Variants in ITGB4 observed in about 807,000 individuals in gnomAD.
ITGB4 encodes integrin subunit beta 4, also known as integrin beta-4.
A neutral mutation model predicts 207.6 loss-of-function variants in ITGB4; 159 were observed. The ratio of observed to expected loss-of-function variants is 0.77; its 90% CI spans 0.67 to 0.87. ITGB4 has a LOEUF of 0.87. ITGB4 is among the 40% of genes least tolerant of loss of function. The pLI is 0.00. For synonymous variants in ITGB4, 1,020 were observed against 1,062.7 expected (o/e 0.96, Z 0.78); for missense variants, 2,278 against 2,546.8 (o/e 0.89, Z 2.27).
chr17:75,735,001 T>A (rs941211820), intron 13 of ITGB4, among the ~76,000 whole-genome samples: 1 of 152,256 alleles, frequency 6.6e-6, no homozygotes, highest in African/African-American at 2.4e-5. Flanking sequence ...AACGCACTTA[T>A]GAAATCTAAT....
chr17:75,733,744 C>T (rs2060915634), intron 13 of ITGB4, 52 bp downstream of exon 13: 2 of 1,571,542 alleles, frequency 1.3e-6, no homozygotes, highest in Non-Finnish European at 1.7e-6. Flanking sequence ...GAGTGGACAG[C>T]AAGCATGACT....
rs1038454215 is a variant in ITGB4, at chr17:75,742,226, C to T, written c.2634-115C>T. On this transcript the variant is annotated intron_variant, in intron 23 of 39. Coordinates refer to ENST00000200181, the MANE Select transcript of ITGB4 (RefSeq NM_000213.5). The surrounding 1 kb of genome is among the most constrained non-coding windows in gnomAD (Gnocchi z 5.9). ...GCACTGCCTGCCTCTGAAGACCCTG[C>T]ACTTCTTGCTGTCTTACATCCTGGC... The T allele has an allele frequency of 7.5e-7, 1 of 1,333,918 alleles. No individual in the cohort carries two copies. Among genetic ancestry groups the T allele is most frequent in the South Asian group, 1.2e-5 (1 of 80,626 alleles). The allele number at this position is 1,333,918 out of a possible 1,614,324, so 82.6% of individuals were successfully genotyped here.
At position 75,736,493 on chromosome 17, in the gene ITGB4, G is replaced by A; in HGVS notation, c.1861-72G>A. On this transcript the variant is annotated intron_variant, in intron 15 of 39. Coordinates refer to ENST00000200181, the MANE Select transcript of ITGB4 (RefSeq NM_000213.5). Reference sequence around the variant, plus strand: ...CCACAGGAGCTGGCCAAGGGCAAGAGGTTTGGGGAGCGGGGGTCTGGCAGA... The same window carrying A: ...CCACAGGAGCTGGCCAAGGGCAAGAAGTTTGGGGAGCGGGGGTCTGGCAGA... 10 of 1,602,856 alleles carry A rather than the reference G, an allele frequency of 6.2e-6. No homozygotes were observed. In the South Asian group the frequency reaches 1.1e-4, roughly 18 times the overall value.
chr17:75,752,078 C>T, intron 30 of ITGB4, 96 bp from the exon 31 acceptor site: 8 of 1,343,462 alleles, frequency 6.0e-6, no homozygotes, highest in Non-Finnish European at 8.6e-6. Context: ...CCCTGGGTGC[C>T]ATCCAGGGGA....
At chr17:75,728,333 G>A (rs1380433729) in intron 5 of ITGB4, 44 bp from the exon 6 acceptor site, 3 of 1,554,542 alleles carry the variant, frequency 1.9e-6, no homozygotes, top group Non-Finnish European at 2.7e-6. Flanking sequence ...TTTATGCCAG[G>A]CATCAGGGCT....
Position 75,729,204 on chromosome 17 carries a change from G to C in ITGB4, c.567-61G>C. On this transcript the variant is annotated intron_variant, in intron 6 of 39. Coordinates refer to ENST00000200181, the MANE Select transcript of ITGB4 (RefSeq NM_000213.5). The surrounding 1 kb of genome is among the most constrained non-coding windows in gnomAD (Gnocchi z 4.4). ...TCCTTCTAGTTGAAACGAGCCAGGG[G>C]CACTGGGGTCTGCGGCGTCTTCCCC... The C allele has an allele frequency of 6.5e-7, 1 of 1,526,802 alleles. No homozygotes were observed. The highest frequency in any genetic ancestry group is 9.0e-7 in the Non-Finnish European group (1 of 1,107,306). 94.6% of individuals were successfully genotyped at this position (1,526,802 alleles called of 1,614,324 possible).
At position 75,722,783 on chromosome 17, in the gene ITGB4, G is replaced by GTGTGTGTGTGTT. The variant is rs1351129958; in HGVS notation, c.-11+1180_-11+1181insGTTTGTGTGTGT. On this transcript the variant is annotated intron_variant, in intron 1 of 39. Transcript: ENST00000200181. The surrounding 1 kb of genome is among the most constrained non-coding windows in gnomAD (Gnocchi z 6.2). ...TGTGTGTGTGTGTGTGTGTGTGTGT[G>GTGTGTGTGTGTT]TGTGTGTGTCCCTGTGGGGGGGAAA... 6.6e-6 allele frequency among the ~76,000 whole-genome samples: 1 copy of GTGTGTGTGTGTT among 151,640 alleles called. No homozygotes were observed.
chr17:75,747,705 G>T (rs2061262740), intron 26 of ITGB4, among the ~76,000 whole-genome samples: 1 of 152,116 alleles, frequency 6.6e-6, no homozygotes, highest in Non-Finnish European at 1.5e-5. Context: ...CTGTCACCCA[G>T]GCTGGAGTAC....
At chr17:75,751,225 A>G in intron 30 of ITGB4, 114 bp downstream of exon 30, 1 of 1,255,866 alleles carries the variant, frequency 8.0e-7, no homozygotes, top group Non-Finnish European at 1.1e-6. Flanking sequence ...AGGGCACTCG[A>G]GGCCTTCATC....
At chr17:75,723,730 C>G (rs1447856749) in intron 1 of ITGB4, among the ~76,000 whole-genome samples, 1 of 152,202 alleles carries the variant, frequency 6.6e-6, no homozygotes, top group Non-Finnish European at 1.5e-5. Context: ...CGGGCTGAGA[C>G]AGGATTCAAT....
chr17:75,757,236 T>C lies in ITGB4; in HGVS notation c.5255T>C (p.Phe1752Ser). The part of the protein sequence containing the change: ...FPQLGSRAGL[F>S]QHPLQSEYSS... ...CAGCTGGGCAGCCGTGCCGGGCTCT[T>C]CCAGCACCCGCTGCAAAGCGAGTAC... is the stretch of plus-strand genomic sequence containing the variant. The change falls in exon 39 of 40, where the codon TTC becomes TCC. Residue 1752 changes from phenylalanine to serine, a missense_variant. Transcript: ENST00000200181. The C allele has an allele frequency of 1.2e-6, 2 of 1,611,864 alleles. No homozygotes were observed. The highest frequency in any genetic ancestry group is 2.2e-5 in the South Asian group (2 of 91,074).
chr17:75,749,292 C>T (rs2061310592), intron 27 of ITGB4, among the ~76,000 whole-genome samples: 1 of 152,080 alleles, frequency 6.6e-6, no homozygotes, highest in African/African-American at 2.4e-5. Context: ...TTTTGGGAGG[C>T]CAAGGTGGGA....
Position 75,757,486 on chromosome 17 carries a change from T to C in ITGB4, c.5400T>C (p.Phe1800=). The C allele has an allele frequency of 6.2e-7, 1 of 1,612,924 alleles. No homozygotes were observed. Among genetic ancestry groups the C allele is most frequent in the Non-Finnish European group, 8.5e-7 (1 of 1,179,982 alleles). The change falls in exon 40 of 40, where the codon TTT becomes TTC. Residue 1800 remains phenylalanine (F), a synonymous_variant. Transcript: ENST00000200181. ...TCACCCGGCATGTGACCCAGGAGTT[T>C]GTGAGCCGGACACTGACCACCAGCG... The part of the protein sequence containing the change: ...GSLTRHVTQE[F]VSRTLTTSGT...
chr17:75,736,210 G>A lies in ITGB4; in HGVS notation c.1761+56G>A. 1.9e-6 allele frequency: 3 copies of A among 1,605,894 alleles called. No individual in the cohort carries two copies. In the South Asian group the frequency reaches 3.3e-5, roughly 18 times the overall value. ...GTCAGCACCACCCACCCTCTCCAGA[G>A]AGAACCCTATGGAGAGAGGAGAGGG... On this transcript the variant is annotated intron_variant, in intron 14 of 39. Transcript: ENST00000200181.
intron 26 of ITGB4, among the ~76,000 whole-genome samples, chr17:75,744,479 C>T (rs919379253): frequency 6.6e-6 from 1 of 152,138 alleles, no homozygotes; most frequent in Non-Finnish European, 1.5e-5. Flanking sequence ...CCTGTCCCCT[C>T]CTACAACTCA....
Position 75,732,117 on chromosome 17 carries a change from G to A in ITGB4, c.1378-46G>A, listed in dbSNP as rs776632427. ...GAGAGCGGAAGTGTCCAGTGGCCCCGGTCCTGCTCCCCCGACGCACCCCAC... is the reference window on the plus strand; with the variant it reads ...GAGAGCGGAAGTGTCCAGTGGCCCCAGTCCTGCTCCCCCGACGCACCCCAC... On this transcript the variant is annotated intron_variant, in intron 11 of 39. Transcript: ENST00000200181. The surrounding 1 kb of genome is among the most constrained non-coding windows in gnomAD (Gnocchi z 5.3). 1.9e-5 allele frequency: 30 copies of A among 1,610,036 alleles called. No individual in the cohort carries two copies. In the East Asian group the frequency reaches 3.1e-4, roughly 17 times the overall value.
intron 12 of ITGB4, among the ~76,000 whole-genome samples, chr17:75,733,124 T>C (rs552844218): frequency 1.9e-3 from 268 of 143,836 alleles, no homozygotes; most frequent in Non-Finnish European, 2.9e-3. Context: ...CGCGGTGGCT[T>C]ACGCCTGTAA....
Position 75,731,837 on chromosome 17 carries a change from C to T in ITGB4, c.1241C>T (p.Ala414Val), listed in dbSNP as rs1217783295. The T allele has an allele frequency of 6.2e-7, 1 of 1,608,624 alleles. No individual in the cohort carries two copies. The highest frequency in any genetic ancestry group is 8.5e-7 in the Non-Finnish European group (1 of 1,177,720). The change falls in exon 11 of 40, where the codon GCC (alanine) becomes GTC (valine). Residue 414 changes from alanine to valine, a missense_variant. Transcript: ENST00000200181. The surrounding 1 kb of genome is among the most constrained non-coding windows in gnomAD (Gnocchi z 6.8). ...GGTATATACCAGGTGCAGCTGCGGG[C>T]CCTTGAGCACGTGGATGGGACGCAC... ...EVGIYQVQLR[A>V]LEHVDGTHVC... is the part of the protein sequence containing the mutation.
In ITGB4 at chr17:75,742,283, A is replaced by C; in HGVS notation, c.2634-58A>C. 1.2e-6 allele frequency: 2 copies of C among 1,605,542 alleles called. No homozygotes were observed. The highest frequency in any genetic ancestry group is 1.7e-6 in the Non-Finnish European group (2 of 1,173,924). ...AGGGGAGAAGACAGGCAGGAGGGACAGGGCAGCAGGTGCCAGCCTGACCCC... is the reference window on the plus strand; with the variant it reads ...AGGGGAGAAGACAGGCAGGAGGGACCGGGCAGCAGGTGCCAGCCTGACCCC... On this transcript the variant is annotated intron_variant, in intron 23 of 39. Coordinates refer to ENST00000200181, the MANE Select transcript of ITGB4 (RefSeq NM_000213.5). The surrounding 1 kb of genome is among the most constrained non-coding windows in gnomAD (Gnocchi z 5.9).
Sources: gnomAD v4.1 joint callset for allele counts (sites outside exome capture counted in the v4.1 genomes callset) on GRCh38, gnomAD v4.1.1 for gene constraint, Gnocchi (gnomAD v3.1) non-coding constraint, MANE v1.5 for transcripts, NCBI Gene and HGNC (gene_info 2026-07-23, HGNC 2026-07-21) for gene names.